The following SETD3 variants were observed in gnomAD, a reference collection of about 807,000 sequenced individuals.
SETD3 encodes the protein SET domain containing 3, actin N3(tau)-histidine methyltransferase, also known as actin-histidine N-methyltransferase.
Under a neutral mutation model 63.0 loss-of-function variants are expected in SETD3, and 19 were observed. The observed-to-expected ratio is 0.30, with a 90% CI of 0.21 to 0.44. The LOEUF is 0.44. Ranked by LOEUF, SETD3 falls within the 20% of genes least tolerant of loss-of-function variation. The pLI is 1.00. For missense variants in SETD3, 587 were observed against 728.5 expected (o/e 0.81, Z 2.24); for synonymous variants, 286 against 264.1 (o/e 1.08, Z -0.80).
intron 6 of SETD3, among the ~76,000 whole-genome samples, chr14:99,439,424 A>C (rs796182662): frequency 6.6e-5 from 10 of 152,218 alleles, no homozygotes; most frequent in African/African-American, 2.4e-4. Flanking sequence ...GCTCGTCAAC[A>C]TTTCCTGTTT....
Position 99,459,172 on chromosome 14 carries a change from A to C in SETD3, c.359T>G (p.Phe120Cys), listed in dbSNP as rs376749542. The change falls in exon 5 of 13, where the codon TTT becomes TGT. Residue 120 changes from phenylalanine (F) to cysteine (C), a missense_variant. Coordinates refer to ENST00000331768, the MANE Select transcript of SETD3 (RefSeq NM_032233.3). ...TAGCAATTTTCGTGGAACCCATAAA[A>C]ACAATTCTTCTGCCTAGGGAAAAAA... ...ATRDIKAEEL[F>C]LWVPRKLLMT... 41 of 1,611,194 alleles carry C rather than the reference A, an allele frequency of 2.5e-5. No homozygotes were observed. Among genetic ancestry groups the C allele is most frequent in the Non-Finnish European group, 3.4e-5 (40 of 1,178,644 alleles).
At chr14:99,406,928 C>T (rs372909858) in intron 8 of SETD3, among the ~76,000 whole-genome samples, 1 of 152,218 alleles carries the variant, frequency 6.6e-6, no homozygotes, top group African/African-American at 2.4e-5. Context: ...CAGGCCACGC[C>T]TCCCACAGGT....
chr14:99,479,638 C>T (rs1236984600), intron 1 of SETD3, among the ~76,000 whole-genome samples: 1 of 152,194 alleles, frequency 6.6e-6, no homozygotes, highest in Non-Finnish European at 1.5e-5. Flanking sequence ...AAAATTCACA[C>T]TTTTCAGTGT....
At chr14:99,446,432 G>C (rs1017618507) in intron 6 of SETD3, among the ~76,000 whole-genome samples, 9 of 152,256 alleles carry the variant, frequency 5.9e-5, no homozygotes, top group African/African-American at 2.2e-4. Context: ...TAGAAAGTAA[G>C]AAAAGTCTTA....
rs927091320 is a variant in SETD3, at chr14:99,398,246, C to T, written c.*433G>A. The T allele has an allele frequency of 1.9e-5, 3 of 156,674 alleles. No individual in the cohort carries two copies. Among genetic ancestry groups the T allele is most frequent in the African/African-American group, 7.2e-5 (3 of 41,514 alleles). The allele number at this position is 156,674 out of a possible 1,614,324, so 9.7% of individuals were successfully genotyped here. On this transcript the variant is annotated 3_prime_UTR_variant, in exon 13 of 13. Coordinates refer to ENST00000331768, the MANE Select transcript of SETD3 (RefSeq NM_032233.3). ...TTCAATTCTGTTTTCTGCTGTGCAACTTCCCCACCTTCACGCTGTATCCCC... is the reference window on the plus strand; with the variant it reads ...TTCAATTCTGTTTTCTGCTGTGCAATTTCCCCACCTTCACGCTGTATCCCC...
At chr14:99,431,555 G>A (rs1381810157) in intron 6 of SETD3, among the ~76,000 whole-genome samples, 1 of 151,804 alleles carries the variant, frequency 6.6e-6, no homozygotes, top group Non-Finnish European at 1.5e-5. Context: ...GCAGTGGCGC[G>A]ATCTCAGCTC....
chr14:99,435,979 G>A (rs544234006), intron 6 of SETD3, among the ~76,000 whole-genome samples: 1 of 152,192 alleles, frequency 6.6e-6, no homozygotes, highest in East Asian at 1.9e-4. Context: ...GCATGGTTGG[G>A]GAGGCCTCAG....
intron 6 of SETD3, among the ~76,000 whole-genome samples, chr14:99,430,909 A>C (rs1460989846): frequency 2.0e-5 from 3 of 152,198 alleles, no homozygotes; most frequent in Non-Finnish European, 4.4e-5. Context: ...CACTCACTCA[A>C]ATCAGCTCTA....
At chr14:99,400,750 T>G (rs951823788) in intron 11 of SETD3, among the ~76,000 whole-genome samples, 3 of 152,192 alleles carry the variant, frequency 2.0e-5, no homozygotes, top group Admixed American at 2.0e-4. Flanking sequence ...GTAGATGACC[T>G]GACCAAGCTA....
At chr14:99,485,166 A>G (rs546282351), upstream of SETD3, among the ~76,000 whole-genome samples, 1 of 152,340 alleles carries the variant, frequency 6.6e-6, no homozygotes, top group South Asian at 2.1e-4. Context: ...CATTTCATGA[A>G]TTGTTTATAT....
At chr14:99,438,086 T>A (rs969738281) in intron 6 of SETD3, among the ~76,000 whole-genome samples, 4 of 152,226 alleles carry the variant, frequency 2.6e-5, no homozygotes, top group African/African-American at 9.6e-5. Context: ...TTTAAATGAC[T>A]TCAGAGCATT....
intron 6 of SETD3, among the ~76,000 whole-genome samples, chr14:99,447,366 T>G (rs1894196109): frequency 6.6e-6 from 1 of 152,260 alleles, no homozygotes; most frequent in Non-Finnish European, 1.5e-5. Context: ...AGGTGAAGTC[T>G]CCATGTGATC....
chr14:99,452,446 A>T (rs1468891234), intron 6 of SETD3, among the ~76,000 whole-genome samples: 1 of 152,246 alleles, frequency 6.6e-6, no homozygotes, highest in African/African-American at 2.4e-5. Context: ...CAAGTTAAAG[A>T]CAGAAGGTGA....
chr14:99,430,498 A>G (rs1160892444), intron 6 of SETD3, among the ~76,000 whole-genome samples: 2 of 152,242 alleles, frequency 1.3e-5, no homozygotes, highest in Admixed American at 6.5e-5. Context: ...CACCAGCACC[A>G]AAGACTCCAG....
At chr14:99,414,397 C>T (rs956134375) in intron 6 of SETD3, among the ~76,000 whole-genome samples, 7 of 152,212 alleles carry the variant, frequency 4.6e-5, no homozygotes, top group African/African-American at 7.2e-5. Flanking sequence ...GCACTCTAAT[C>T]GGTTGAAAGC....
rs1361198203 is a variant in SETD3 at position 99,437,092 on chromosome 14, AACAG to A, written c.675+21183_675+21186del. On this transcript the variant is annotated intron_variant, in intron 6 of 12. Coordinates refer to ENST00000331768, the MANE Select transcript of SETD3 (RefSeq NM_032233.3). The stretch of plus-strand genomic sequence containing the variant: ...AACTAGGTATGAACTGAGGTCCTGA[AACAG>A]ACAGGCCAGCAAATAGGCCTCAATT... Among the ~76,000 whole-genome samples, 26 of 152,248 alleles carry A rather than the reference AACAG, an allele frequency of 1.7e-4. 1 individual carries two copies. The highest frequency in any genetic ancestry group is 1.4e-3 in the South Asian group (7 of 4,832).
intron 6 of SETD3, among the ~76,000 whole-genome samples, chr14:99,415,088 G>T (rs1380766668): frequency 3.3e-5 from 5 of 152,202 alleles, no homozygotes; most frequent in African/African-American, 1.2e-4. Flanking sequence ...ATTACAAAAG[G>T]CTGCCAATTA....
At chr14:99,427,090 G>C (rs1269043695) in intron 6 of SETD3, among the ~76,000 whole-genome samples, 1 of 152,184 alleles carries the variant, frequency 6.6e-6, no homozygotes, top group Non-Finnish European at 1.5e-5. Flanking sequence ...ATGTTCCTAT[G>C]ACGAGGCTGC....
intron 8 of SETD3, chr14:99,409,958 G>C (rs1032944431): frequency 2.5e-6 from 1 of 399,758 alleles, no homozygotes; most frequent in South Asian, 5.2e-5. Flanking sequence ...TGCGTTCATG[G>C]ATCTTCCATT....
Sources: gnomAD v4.1 joint callset for allele counts (sites outside exome capture counted in the v4.1 genomes callset) on GRCh38, gnomAD v4.1.1 for gene constraint, MANE v1.5 for transcripts, NCBI Gene and HGNC (gene_info 2026-07-23, HGNC 2026-07-21) for gene names.